IL1RAPL1: variants seen among roughly 807,000 people sequenced by gnomAD.
IL1RAPL1 encodes interleukin-1 receptor accessory protein-like 1.
A neutral mutation model predicts 48.4 loss-of-function variants in IL1RAPL1; 3 were observed. That is an observed-to-expected ratio of 0.06 (90% CI 0.03 to 0.16). The LOEUF (loss-of-function observed/expected upper bound fraction) is 0.16. IL1RAPL1 is among the 10% of genes least tolerant of loss of function. The pLI, the probability that IL1RAPL1 is intolerant of heterozygous loss-of-function variation, is 1.00. For synonymous variants in IL1RAPL1, 185 were observed against 187.7 expected (o/e 0.99, Z 0.12); for missense variants, 349 against 530.6 (o/e 0.66, Z 3.36).
intron 1 of IL1RAPL1, among the ~76,000 whole-genome samples, chrX:28,722,978 T>C (rs1295916645): frequency 8.9e-6 from 1 of 111,781 alleles, no homozygotes; most frequent in Non-Finnish European, 1.9e-5. Context: ...TTTGATGTGC[T>C]GCTGGATTCG....
intron 6 of IL1RAPL1, among the ~76,000 whole-genome samples, chrX:29,879,391 G>A (rs1931979319): frequency 2.0e-5 from 2 of 98,457 alleles, no homozygotes; most frequent in African/African-American, 8.4e-5. Flanking sequence ...GTGTGTGTGT[G>A]TGTGTATATA....
intron 6 of IL1RAPL1, among the ~76,000 whole-genome samples, chrX:29,785,384 T>A (rs1235993351): frequency 2.7e-5 from 3 of 112,378 alleles, no homozygotes; most frequent in Non-Finnish European, 5.6e-5. Flanking sequence ...GTAGAACACA[T>A]AAGCATTGCT....
intron 5 of IL1RAPL1, among the ~76,000 whole-genome samples, chrX:29,557,848 T>C (rs750405963): frequency 1.8e-5 from 2 of 111,512 alleles, no homozygotes; most frequent in African/African-American, 3.3e-5. Flanking sequence ...TGGCATGATA[T>C]CCTTTTTTTT....
intron 6 of IL1RAPL1, among the ~76,000 whole-genome samples, chrX:29,806,803 G>C (rs958619237): frequency 9.0e-6 from 1 of 111,401 alleles, no homozygotes; most frequent in Admixed American, 9.6e-5. Context: ...AATTTCATGA[G>C]GAGTCGTAAT....
intron 6 of IL1RAPL1, among the ~76,000 whole-genome samples, chrX:29,733,044 G>A (rs970331352): frequency 2.7e-5 from 3 of 111,241 alleles, no homozygotes; most frequent in Non-Finnish European, 5.7e-5. Flanking sequence ...AGGGAGGGAG[G>A]CAGAGGAAGA....
At chrX:29,739,401 T>G (rs762584914) in intron 6 of IL1RAPL1, among the ~76,000 whole-genome samples, 1 of 111,975 alleles carries the variant, frequency 8.9e-6, no homozygotes, top group African/African-American at 3.2e-5. Flanking sequence ...CCTCAGTATT[T>G]TTTTCATTAG....
In IL1RAPL1 at chrX:29,795,247, C is replaced by A. The variant is rs184675936; in HGVS notation, c.779-122217C>A. 4.1e-4 allele frequency among the ~76,000 whole-genome samples: 46 copies of A among 111,450 alleles called. 1 individual carries two copies. The highest frequency in any genetic ancestry group is 1.4e-3 in the East Asian group (5 of 3,560). On this transcript the variant is annotated intron_variant, in intron 6 of 10. Transcript: ENST00000378993. ...CTATTACATATTTATCACCTATTTACCTATCTCTATACACATATCATTGTA... is the reference window on the plus strand; with the variant it reads ...CTATTACATATTTATCACCTATTTAACTATCTCTATACACATATCATTGTA...
chrX:29,863,872 C>T (rs978815820), intron 6 of IL1RAPL1, among the ~76,000 whole-genome samples: 2 of 111,232 alleles, frequency 1.8e-5, no homozygotes, highest in African/African-American at 3.3e-5. Flanking sequence ...CTGTAACCTC[C>T]GCCTAGCGTA....
chrX:28,600,078 G>C (rs926841595), intron 1 of IL1RAPL1, among the ~76,000 whole-genome samples: 6 of 111,611 alleles, frequency 5.4e-5, no homozygotes, highest in African/African-American at 2.0e-4. Context: ...GGCAGGATGG[G>C]TATACAGGCC....
chrX:28,978,946 G>A (rs997061914), intron 2 of IL1RAPL1, among the ~76,000 whole-genome samples: 1 of 112,030 alleles, frequency 8.9e-6, no homozygotes, highest in Admixed American at 9.5e-5. Context: ...TCAAAGTGTT[G>A]TTGGAATGGG....
chrX:29,212,203 C>T (rs1438863247), intron 2 of IL1RAPL1, among the ~76,000 whole-genome samples: 1 of 111,664 alleles, frequency 9.0e-6, no homozygotes, highest in African/African-American at 3.3e-5. Context: ...CCTAATAAAT[C>T]AGCTTTAACA....
At chrX:28,588,493 A>G (rs1480531287) in intron 1 of IL1RAPL1, among the ~76,000 whole-genome samples, 1 of 111,995 alleles carries the variant, frequency 8.9e-6, no homozygotes, top group Non-Finnish European at 1.9e-5. Context: ...TCTATGCATT[A>G]AAAGAAATAT....
Position 29,893,993 on chromosome X carries a change from G to T in IL1RAPL1, c.779-23471G>T, listed in dbSNP as rs1217565520. Among the ~76,000 whole-genome samples, 3 of 112,119 alleles carry T rather than the reference G, an allele frequency of 2.7e-5. 1 individual carries two copies. The highest frequency in any genetic ancestry group is 9.7e-5 in the African/African-American group (3 of 30,886). On this transcript the variant is annotated intron_variant, in intron 6 of 10. Coordinates refer to ENST00000378993, the MANE Select transcript of IL1RAPL1 (RefSeq NM_014271.4). ...AAACCATAATCACAGTTAATTCAATGTCAAATTTCTTATTCAAATATGTAT... is the reference window on the plus strand; with the variant it reads ...AAACCATAATCACAGTTAATTCAATTTCAAATTTCTTATTCAAATATGTAT...
chrX:28,936,635 T>C (rs1360249798), intron 2 of IL1RAPL1, among the ~76,000 whole-genome samples: 1 of 110,683 alleles, frequency 9.0e-6, no homozygotes, highest in African/African-American at 3.3e-5. Context: ...ATGCTTTTGA[T>C]TGAAAGACAA....
chrX:29,477,740 T>C (rs1430064952), intron 5 of IL1RAPL1, among the ~76,000 whole-genome samples: 2 of 112,219 alleles, frequency 1.8e-5, no homozygotes, highest in Non-Finnish European at 3.8e-5. Context: ...AATAAGCTGG[T>C]AAGCAGAGCA....
At chrX:29,214,010 A>T (rs958933756) in intron 2 of IL1RAPL1, among the ~76,000 whole-genome samples, 1 of 111,777 alleles carries the variant, frequency 8.9e-6, no homozygotes, top group African/African-American at 3.3e-5. Flanking sequence ...TATCTACTAG[A>T]TGCTTATAAA....
intron 1 of IL1RAPL1, among the ~76,000 whole-genome samples, chrX:28,727,960 A>C (rs1935701345): frequency 9.1e-6 from 1 of 110,459 alleles, no homozygotes; most frequent in East Asian, 2.9e-4. Context: ...TGGGAGATAT[A>C]CCTAATGCTA....
chrX:28,986,797 A>C (rs1185130168), intron 2 of IL1RAPL1, among the ~76,000 whole-genome samples: 2 of 112,086 alleles, frequency 1.8e-5, no homozygotes, highest in Non-Finnish European at 3.8e-5. Flanking sequence ...GGGAAGGATT[A>C]TTTTCTTAGG....
At chrX:29,043,308 C>G (rs1323804177) in intron 2 of IL1RAPL1, among the ~76,000 whole-genome samples, 4 of 111,380 alleles carry the variant, frequency 3.6e-5, no homozygotes, top group Admixed American at 2.9e-4. Context: ...ATCCCCTATC[C>G]TCATTTTTAA....
Sources: allele counts gnomAD v4.1 joint callset (sites outside exome capture counted in the v4.1 genomes callset), GRCh38; gene constraint gnomAD v4.1.1; transcripts MANE v1.5; gene names NCBI Gene and HGNC (gene_info 2026-07-23, HGNC 2026-07-21).